The following CYP7B1 variants were observed in gnomAD, a reference collection of about 807,000 sequenced individuals.
CYP7B1 encodes cytochrome P450 family 7 subfamily B member 1.
A neutral mutation model predicts 42.7 loss-of-function variants in CYP7B1; 29 were observed. That is an observed-to-expected ratio of 0.68 (90% CI 0.51 to 0.93). The LOEUF (loss-of-function observed/expected upper bound fraction) is 0.93, where lower values mean the gene tolerates loss of function less well. Among genes scored for constraint, CYP7B1 ranks in the 40% least tolerant of loss-of-function variants. The pLI, the probability that CYP7B1 is intolerant of heterozygous loss-of-function variation, is 0.00. For missense variants in CYP7B1, 655 were observed against 600.5 expected (o/e 1.09, Z -0.95); for synonymous variants, 235 against 218.2 (o/e 1.08, Z -0.68).
chr8:64,737,517 C>T (rs1027711634), intron 1 of CYP7B1, among the ~76,000 whole-genome samples: 2 of 152,156 alleles, frequency 1.3e-5, no homozygotes, highest in African/African-American at 2.4e-5. Context: ...CCTGCTAGTT[C>T]CCTCATTAAA....
In CYP7B1 at chr8:64,591,199, CA is replaced by C; in HGVS notation, c.*5442del. ...GCCAAAAAGTTCAAACATCAATGAT[CA>C]CTGATTTAGATAAACAAATGAAGTA... On this transcript the variant is annotated 3_prime_UTR_variant, in exon 6 of 6. Transcript: ENST00000310193. Among the ~76,000 whole-genome samples the C allele has an allele frequency of 6.6e-6, 1 of 152,126 alleles. No individual in the cohort carries two copies. The highest frequency in any genetic ancestry group is 2.1e-4 in the South Asian group (1 of 4,820).
chr8:64,662,346 G>A (rs1309001661), intron 1 of CYP7B1, among the ~76,000 whole-genome samples: 1 of 152,036 alleles, frequency 6.6e-6, no homozygotes, highest in Non-Finnish European at 1.5e-5. Flanking sequence ...AAATGATAAT[G>A]CATAAAAATA....
At chr8:64,708,685 T>C (rs1031648828) in intron 1 of CYP7B1, among the ~76,000 whole-genome samples, 8 of 152,208 alleles carry the variant, frequency 5.3e-5, no homozygotes, top group Non-Finnish European at 7.3e-5. Flanking sequence ...TAGAAATTAA[T>C]AATTTTTTGA....
intron 1 of CYP7B1, among the ~76,000 whole-genome samples, chr8:64,696,380 G>A (rs1806828321): frequency 1.3e-5 from 2 of 152,128 alleles, no homozygotes. Flanking sequence ...TTGAAACAAA[G>A]TTCTGGTTAA....
intron 1 of CYP7B1, among the ~76,000 whole-genome samples, chr8:64,760,503 T>G (rs1807873481): frequency 6.6e-6 from 1 of 151,890 alleles, no homozygotes; most frequent in African/African-American, 2.4e-5. Context: ...TACCACCCAA[T>G]AGCAAAATTA....
chr8:64,741,141 G>T (rs1208090617), intron 1 of CYP7B1, among the ~76,000 whole-genome samples: 3 of 151,906 alleles, frequency 2.0e-5, no homozygotes, highest in African/African-American at 7.3e-5. Flanking sequence ...ATTAAGGAAA[G>T]AATGTCCCCT....
intron 5 of CYP7B1, among the ~76,000 whole-genome samples, chr8:64,600,733 T>C (rs773617135): frequency 2.6e-5 from 4 of 152,134 alleles, no homozygotes; most frequent in Non-Finnish European, 4.4e-5. Context: ...TAGTTTATAC[T>C]ACGAAAATTG....
chr8:64,793,506 C>A (rs1804655675), intron 1 of CYP7B1, among the ~76,000 whole-genome samples: 1 of 152,022 alleles, frequency 6.6e-6, no homozygotes, highest in African/African-American at 2.4e-5. Context: ...AAGTGGGTAT[C>A]TGTACCTAAG....
intron 1 of CYP7B1, among the ~76,000 whole-genome samples, chr8:64,748,598 C>A (rs1328433749): frequency 1.3e-5 from 2 of 152,174 alleles, no homozygotes; most frequent in East Asian, 3.9e-4. Flanking sequence ...CTCTGACTTT[C>A]ACAATCACTC....
At chr8:64,793,963 C>CA (rs56265041) in intron 1 of CYP7B1, among the ~76,000 whole-genome samples, 56,369 of 143,232 alleles carry the variant, frequency 0.39, 12,913 homozygotes, top group Non-Finnish European at 0.49. Context: ...AAATACGAAA[C>CA]AAAAAAAAAA....
chr8:64,745,261 C>CA (rs1807627395), intron 1 of CYP7B1, among the ~76,000 whole-genome samples: 1 of 152,242 alleles, frequency 6.6e-6, no homozygotes, highest in Admixed American at 6.5e-5. Flanking sequence ...CGAAAATGTC[C>CA]TTTTTAATAT....
chr8:64,641,127 T>A (rs1805848983), intron 1 of CYP7B1, among the ~76,000 whole-genome samples: 1 of 152,210 alleles, frequency 6.6e-6, no homozygotes, highest in Non-Finnish European at 1.5e-5. Flanking sequence ...GTTACCTGAA[T>A]GAGCCATATG....
downstream of CYP7B1, among the ~76,000 whole-genome samples, chr8:64,587,533 A>G (rs1166746634): frequency 6.6e-6 from 1 of 152,228 alleles, no homozygotes; most frequent in Non-Finnish European, 1.5e-5. Context: ...CCAAACCCGA[A>G]GCATCCGCGA....
chr8:64,612,118 T>C (rs1380701087), intron 4 of CYP7B1, among the ~76,000 whole-genome samples: 1 of 152,124 alleles, frequency 6.6e-6, no homozygotes, highest in African/African-American at 2.4e-5. Flanking sequence ...CTTATCTTTG[T>C]CTTTCTGAAT....
downstream of CYP7B1, among the ~76,000 whole-genome samples, chr8:64,586,635 T>G (rs2280870): frequency 0.44 from 66,378 of 151,884 alleles, 17,151 homozygotes; most frequent in African/African-American, 0.72. Flanking sequence ...AAAGCAGGAG[T>G]GGGAGGGAAC....
chr8:64,708,515 T>C (rs1807033096), intron 1 of CYP7B1, among the ~76,000 whole-genome samples: 1 of 152,306 alleles, frequency 6.6e-6, no homozygotes, highest in Non-Finnish European at 1.5e-5. Context: ...AATGTCAGTA[T>C]CAGGATTATG....
At chr8:64,794,958 T>C (rs977742809) in intron 1 of CYP7B1, among the ~76,000 whole-genome samples, 1 of 152,046 alleles carries the variant, frequency 6.6e-6, no homozygotes, top group Non-Finnish European at 1.5e-5. Context: ...TATTAAATAC[T>C]GGCAAGGATG....
chr8:64,667,058 G>A (rs1172697906), intron 1 of CYP7B1, among the ~76,000 whole-genome samples: 1 of 152,142 alleles, frequency 6.6e-6, no homozygotes, highest in Non-Finnish European at 1.5e-5. Flanking sequence ...CACATAATCA[G>A]GGGCTATTCA....
chr8:64,755,292 G>A (rs1807790897), intron 1 of CYP7B1, among the ~76,000 whole-genome samples: 1 of 152,184 alleles, frequency 6.6e-6, no homozygotes, highest in African/African-American at 2.4e-5. Context: ...AGGACGTTCT[G>A]CTTCTTCCAT....
Sources: gnomAD v4.1 joint callset for allele counts (sites outside exome capture counted in the v4.1 genomes callset) on GRCh38, gnomAD v4.1.1 for gene constraint, MANE v1.5 for transcripts, NCBI Gene and HGNC (gene_info 2026-07-23, HGNC 2026-07-21) for gene names.